PLCG2: variants seen among roughly 807,000 people sequenced by gnomAD.
The protein encoded by PLCG2 is phospholipase C gamma 2.
A neutral mutation model predicts 175.6 loss-of-function variants in PLCG2; 69 were observed. The ratio of observed to expected loss-of-function variants is 0.39; its 90% CI spans 0.32 to 0.48. The LOEUF (loss-of-function observed/expected upper bound fraction) is 0.48, where lower values mean the gene tolerates loss of function less well. Among genes scored for constraint, PLCG2 ranks in the 20% least tolerant of loss-of-function variants. PLCG2 has a pLI of 0.91. For missense variants in PLCG2, 1,798 were observed against 1,650.9 expected, an observed-to-expected ratio of 1.09 and a Z score of -1.54; for synonymous variants, 827 against 624.0, an observed-to-expected ratio of 1.33 and a Z score of -4.85.
intron 25 of PLCG2, among the ~76,000 whole-genome samples, chr16:81,932,673 T>TC (rs1910551534): frequency 6.6e-6 from 1 of 152,202 alleles, no homozygotes; most frequent in South Asian, 2.1e-4. Context: ...GATCCTTGAC[T>TC]CACTCAACTC....
chr16:81,917,909 G>C (rs1001743755), intron 19 of PLCG2, among the ~76,000 whole-genome samples: 2 of 152,150 alleles, frequency 1.3e-5, no homozygotes, highest in African/African-American at 2.4e-5. Flanking sequence ...TTTTAGTAGA[G>C]ACGGGGTTTC....
chr16:81,856,281 C>G (rs1906677242), intron 3 of PLCG2, among the ~76,000 whole-genome samples: 1 of 152,116 alleles, frequency 6.6e-6, no homozygotes, highest in Non-Finnish European at 1.5e-5. Context: ...CTTCATAGTT[C>G]CATGAGGTGT....
At chr16:81,748,772 G>A (rs1467170165) in intron 1 of PLCG2, among the ~76,000 whole-genome samples, 1 of 152,224 alleles carries the variant, frequency 6.6e-6, no homozygotes, top group Non-Finnish European at 1.5e-5. Flanking sequence ...GAAAGCCAGT[G>A]ACTTTCATAT....
Position 81,916,250 on chromosome 16 carries a change from C to G in PLCG2, c.2055-3234C>G, listed in dbSNP as rs558520474. On this transcript the variant is annotated intron_variant, in intron 19 of 32. Coordinates refer to ENST00000564138, the MANE Select transcript of PLCG2 (RefSeq NM_002661.5). ...GACTTTTTGACGAAATCGCTTAAAG[C>G]AATATATTTTTTTTTTCAAAAGACT... is the stretch of plus-strand genomic sequence containing the variant. Among the ~76,000 whole-genome samples, 138 of 147,590 alleles carry G rather than the reference C, an allele frequency of 9.4e-4. 1 individual carries two copies. In the South Asian group the frequency reaches 0.021, roughly 22 times the overall value.
chr16:81,743,454 A>G (rs1414192523), intron 1 of PLCG2, among the ~76,000 whole-genome samples: 1 of 152,258 alleles, frequency 6.6e-6, no homozygotes, highest in Non-Finnish European at 1.5e-5. Flanking sequence ...GAGCCCAGGT[A>G]GAGCGACCTG....
At position 81,931,573 on chromosome 16, in the gene PLCG2, G is replaced by C; in HGVS notation, c.2658G>C (p.Val886=). ...LEPKQQGDPP[V]EFATDRVEEL... is the part of the protein sequence containing the mutation. ...CCAAGCAGCAGGGCGATCCTCCGGT[G>C]GAGTTTGCCACAGACAGGGTGGAGG... The change falls in exon 25 of 33, where the codon GTG becomes GTC. Residue 886 remains valine (V), a synonymous_variant. Coordinates refer to ENST00000564138, the MANE Select transcript of PLCG2 (RefSeq NM_002661.5). 6.2e-7 allele frequency: 1 copy of C among 1,614,122 alleles called. No homozygotes were observed. Among genetic ancestry groups the C allele is most frequent in the Non-Finnish European group, 8.5e-7 (1 of 1,180,008 alleles).
At chr16:81,931,016 G>A (rs546071532) in intron 24 of PLCG2, among the ~76,000 whole-genome samples, 1 of 152,122 alleles carries the variant, frequency 6.6e-6, no homozygotes, top group Non-Finnish European at 1.5e-5. Context: ...AAGATATTCA[G>A]TGTTTCTTTT....
chr16:81,809,576 C>T (rs895379483), intron 2 of PLCG2, among the ~76,000 whole-genome samples: 1 of 152,180 alleles, frequency 6.6e-6, no homozygotes, highest in Non-Finnish European at 1.5e-5. Context: ...GAGTCTGTTT[C>T]TGGGGGAACC....
At chr16:81,918,283 C>T (rs1186806690) in intron 19 of PLCG2, among the ~76,000 whole-genome samples, 1 of 152,168 alleles carries the variant, frequency 6.6e-6, no homozygotes, top group South Asian at 2.1e-4. Flanking sequence ...CAGACCAATG[C>T]TACGGAGGTT....
In PLCG2 at chr16:81,858,314, A is replaced by C; in HGVS notation, c.389A>C (p.His130Pro). The C allele has an allele frequency of 6.2e-7, 1 of 1,613,984 alleles. No homozygotes were observed. The highest frequency in any genetic ancestry group is 8.5e-7 in the Non-Finnish European group (1 of 1,179,910). The change falls in exon 4 of 33, where the codon CAC (histidine) becomes CCC (proline). Residue 130 changes from histidine (H) to proline (P), a missense_variant. Transcript: ENST00000564138. ...TGGCTCTCTGGCTTGAAAATCTTAC[A>C]CCAGGAAGCGATGAATGCGTCCACG... ...VNWLSGLKIL[H>P]QEAMNASTPT...
chr16:81,867,910 A>G (rs1443138629), intron 5 of PLCG2, among the ~76,000 whole-genome samples: 2 of 152,146 alleles, frequency 1.3e-5, no homozygotes, highest in Non-Finnish European at 2.9e-5. Flanking sequence ...CGTGTTAGCC[A>G]GGATGGTCTC....
intron 5 of PLCG2, among the ~76,000 whole-genome samples, chr16:81,865,434 C>T (rs1880345415): frequency 6.6e-6 from 1 of 152,136 alleles, no homozygotes; most frequent in Non-Finnish European, 1.5e-5. Context: ...AGCTAGGAGC[C>T]CAAAGAAGCT....
intron 2 of PLCG2, among the ~76,000 whole-genome samples, chr16:81,821,819 AC>A (rs1904811957): frequency 6.6e-6 from 1 of 152,100 alleles, no homozygotes; most frequent in African/African-American, 2.4e-5. Context: ...TTTACTGCAA[AC>A]AACTTTTGGG....
intron 29 of PLCG2, among the ~76,000 whole-genome samples, chr16:81,939,217 A>C (rs957966877): frequency 6.6e-6 from 1 of 152,170 alleles, no homozygotes; most frequent in African/African-American, 2.4e-5. Context: ...CTCCTGAGTC[A>C]AAGGCCAAGA....
At position 81,786,125 on chromosome 16, in the gene PLCG2, A is replaced by G; in HGVS notation, c.136A>G (p.Ile46Val). The stretch of plus-strand genomic sequence containing the variant: ...CCCCGAGCGGAGAACCGTCCAGGTG[A>G]TCATGGAGACGCGGCAGGTGGCCTG... ...STPERRTVQV[I>V]METRQVAWSK... The change falls in exon 2 of 33, where the codon ATC becomes GTC. Residue 46 changes from isoleucine (I) to valine (V), a missense_variant. Physicochemically the swap from Ile to Val is conservative, Grantham distance 29. Transcript: ENST00000564138. 1 of 1,614,182 alleles carries G rather than the reference A, an allele frequency of 6.2e-7. No individual in the cohort carries two copies. Among genetic ancestry groups the G allele is most frequent in the Non-Finnish European group, 8.5e-7 (1 of 1,180,032 alleles).
In PLCG2 at chr16:81,786,003, T is replaced by C; in HGVS notation, c.14T>C (p.Val5Ala). MSTT[V>A]NVDSLAEYEK... ...GAGCGGCCGACAATGTCCACCACGGTCAATGTAGATTCCCTTGCGGAATAT... is the reference window on the plus strand; with the variant it reads ...GAGCGGCCGACAATGTCCACCACGGCCAATGTAGATTCCCTTGCGGAATAT... The change falls in exon 2 of 33, where the codon GTC (valine) becomes GCC (alanine). Residue 5 changes from valine (V) to alanine (A), a missense_variant. By Grantham distance (64) the Val-to-Ala change is moderately conservative. Transcript: ENST00000564138. The C allele has an allele frequency of 1.2e-6, 2 of 1,613,860 alleles. No homozygotes were observed. Among genetic ancestry groups the C allele is most frequent in the Non-Finnish European group, 1.7e-6 (2 of 1,179,850 alleles).
intron 19 of PLCG2, among the ~76,000 whole-genome samples, chr16:81,915,544 G>C (rs565952963): frequency 2.0e-5 from 3 of 152,186 alleles, no homozygotes; most frequent in African/African-American, 4.8e-5. Context: ...TTTTCTCCCA[G>C]GGAAGTTAGT....
At chr16:81,860,172 A>ATTATTATTTTTTT (rs763047744) in intron 5 of PLCG2, among the ~76,000 whole-genome samples, 12 of 120,608 alleles carry the variant, frequency 9.9e-5, no homozygotes, top group Non-Finnish European at 1.9e-4. Flanking sequence ...TATTATTATT[A>ATTATTATTTTTTT]TTTTTTTTTT....
chr16:81,840,837 C>T (rs1387650506), intron 2 of PLCG2, among the ~76,000 whole-genome samples: 10 of 152,292 alleles, frequency 6.6e-5, no homozygotes, highest in South Asian at 4.1e-4. Flanking sequence ...GGGCAGGGCA[C>T]GTGGTCCCTT....
Sources: allele counts gnomAD v4.1 joint callset (sites outside exome capture counted in the v4.1 genomes callset), GRCh38; gene constraint gnomAD v4.1.1; transcripts MANE v1.5; gene names NCBI Gene and HGNC (gene_info 2026-07-23, HGNC 2026-07-21).